Variants in KHDRBS2 observed in about 807,000 individuals in gnomAD.
KHDRBS2 encodes KH RNA binding domain containing, signal transduction associated 2, also known as KH domain-containing, RNA-binding, signal transduction-associated protein 2.
In KHDRBS2, 26 loss-of-function variants were observed where a neutral mutation model predicts 44.3. That is an observed-to-expected ratio of 0.59 (90% CI 0.43 to 0.81). KHDRBS2 has a LOEUF of 0.81. Among genes scored for constraint, KHDRBS2 ranks in the 40% least tolerant of loss-of-function variants. KHDRBS2 has a pLI of 0.00. For synonymous variants in KHDRBS2, 194 were observed against 151.1 expected, an observed-to-expected ratio of 1.28 and a Z score of -2.08; for missense variants, 476 against 433.1, an observed-to-expected ratio of 1.10 and a Z score of -0.88.
intron 1 of KHDRBS2, among the ~76,000 whole-genome samples, chr6:62,272,676 A>G (rs1840275414): frequency 6.6e-6 from 1 of 152,192 alleles, no homozygotes. Context: ...CACATACGCC[A>G]AAATGTCAGT....
the KHDRBS2 span, among the ~76,000 whole-genome samples, chr6:61,550,726 A>G: frequency 7.3e-6 from 1 of 136,148 alleles, no homozygotes; most frequent in African/African-American, 2.8e-5. Context: ...TTTTTTTTTT[A>G]CTTCTTAATA....
intron 8 of KHDRBS2, among the ~76,000 whole-genome samples, chr6:61,693,057 A>C (rs560635760): frequency 6.6e-6 from 1 of 152,238 alleles, no homozygotes; most frequent in Admixed American, 6.6e-5. Flanking sequence ...TGGAGATATG[A>C]GATTTATATT....
chr6:61,615,233 C>CAAAAAAAAAAAAAA, the KHDRBS2 span, among the ~76,000 whole-genome samples: 20 of 58,550 alleles, frequency 3.4e-4, no homozygotes, highest in African/African-American at 4.6e-4. Context: ...ACTCCATCTC[C>CAAAAAAAAAAAAAA]AAAAAAAAAA....
chr6:61,769,574 G>A (rs990311575), intron 6 of KHDRBS2, among the ~76,000 whole-genome samples: 26 of 152,142 alleles, frequency 1.7e-4, no homozygotes, highest in African/African-American at 4.1e-4. Flanking sequence ...ATGGAGTCTC[G>A]CTCATTGCTA....
the KHDRBS2 span, among the ~76,000 whole-genome samples, chr6:61,616,638 T>TG: frequency 6.6e-6 from 1 of 152,084 alleles, no homozygotes; most frequent in Admixed American, 6.6e-5. Context: ...AATGATAAAC[T>TG]TACATATATT....
At chr6:62,131,766 G>C (rs965310454) in intron 2 of KHDRBS2, among the ~76,000 whole-genome samples, 1 of 152,138 alleles carries the variant, frequency 6.6e-6, no homozygotes, top group Non-Finnish European at 1.5e-5. Flanking sequence ...AGAAAACAGG[G>C]AGAAGACAAG....
chr6:61,594,358 A>C, the KHDRBS2 span, among the ~76,000 whole-genome samples: 1 of 152,070 alleles, frequency 6.6e-6, no homozygotes. Context: ...TTCTAATTGG[A>C]GTTTTCAAAA....
chr6:62,107,493 A>G (rs879727028), intron 2 of KHDRBS2, among the ~76,000 whole-genome samples: 3 of 152,228 alleles, frequency 2.0e-5, no homozygotes, highest in Non-Finnish European at 2.9e-5. Flanking sequence ...AGGAAGAATC[A>G]ATATCGTGAA....
intron 2 of KHDRBS2, among the ~76,000 whole-genome samples, chr6:62,060,591 GTC>G (rs142998625): frequency 4.1e-4 from 59 of 145,418 alleles, no homozygotes; most frequent in Admixed American, 4.1e-4. Context: ...AATAGTAAAG[GTC>G]TCTCTCTCTC....
intron 6 of KHDRBS2, among the ~76,000 whole-genome samples, chr6:61,836,528 C>A (rs1240807435): frequency 6.6e-6 from 1 of 151,942 alleles, no homozygotes; most frequent in Non-Finnish European, 1.5e-5. Context: ...TTTAATGCTT[C>A]CAATAAATAA....
intron 1 of KHDRBS2, among the ~76,000 whole-genome samples, chr6:62,273,923 C>A (rs963213957): frequency 6.6e-6 from 1 of 151,976 alleles, no homozygotes; most frequent in African/African-American, 2.4e-5. Flanking sequence ...CAACACTTTA[C>A]ATTTTACTTG....
At position 62,146,817 on chromosome 6, in the gene KHDRBS2, G is replaced by T. The variant is rs571213429; in HGVS notation, c.219+30368C>A. On this transcript the variant is annotated intron_variant, in intron 2 of 8. Transcript: ENST00000281156. ...AAAAATGGTACGCTATACATCTATG[G>T]CAAGGCTAACTTTTGATATGTCACC... 1.1e-4 allele frequency among the ~76,000 whole-genome samples: 16 copies of T among 151,792 alleles called. 1 individual carries two copies. Among genetic ancestry groups the T allele is most frequent in the Admixed American group, 5.9e-4 (9 of 15,210 alleles).
chr6:62,177,953 C>T (rs9354781), intron 1 of KHDRBS2, among the ~76,000 whole-genome samples: 91,576 of 150,952 alleles, frequency 0.61, 27,960 homozygotes, highest in Non-Finnish European at 0.62. Context: ...TTATCCACTC[C>T]TTCATTTTTG....
the KHDRBS2 span, among the ~76,000 whole-genome samples, chr6:61,600,191 G>A: frequency 1.3e-5 from 2 of 152,170 alleles, no homozygotes; most frequent in African/African-American, 4.8e-5. Flanking sequence ...GTAAGTGTCA[G>A]GCCTCTGAAC....
At chr6:62,140,415 A>C (rs184982216) in intron 2 of KHDRBS2, among the ~76,000 whole-genome samples, 23 of 152,290 alleles carry the variant, frequency 1.5e-4, no homozygotes, top group African/African-American at 4.6e-4. Context: ...TCGGGGCAAG[A>C]CTAGAGGCAG....
At chr6:61,946,408 G>A (rs1343330460) in intron 4 of KHDRBS2, among the ~76,000 whole-genome samples, 1 of 152,116 alleles carries the variant, frequency 6.6e-6, no homozygotes, top group Non-Finnish European at 1.5e-5. Flanking sequence ...GTCTTGCTTG[G>A]CACTAGACCT....
chr6:62,248,883 T>A (rs1198616089), intron 1 of KHDRBS2, among the ~76,000 whole-genome samples: 1 of 152,068 alleles, frequency 6.6e-6, no homozygotes, highest in Non-Finnish European at 1.5e-5. Context: ...TAGTAAAAAC[T>A]GTGCTCGAAA....
At chr6:62,253,963 C>T (rs574037759) in intron 1 of KHDRBS2, among the ~76,000 whole-genome samples, 1 of 152,040 alleles carries the variant, frequency 6.6e-6, no homozygotes, top group African/African-American at 2.4e-5. Context: ...CCATTAGCAG[C>T]ATGGGGAATA....
chr6:61,871,230 G>T (rs941093347), intron 6 of KHDRBS2, among the ~76,000 whole-genome samples: 1 of 152,102 alleles, frequency 6.6e-6, no homozygotes, highest in Non-Finnish European at 1.5e-5. Flanking sequence ...TCCATAGCTG[G>T]ATTGATCAAA....
Sources: gnomAD v4.1 joint callset for allele counts (sites outside exome capture counted in the v4.1 genomes callset) on GRCh38, gnomAD v4.1.1 for gene constraint, MANE v1.5 for transcripts, NCBI Gene and HGNC (gene_info 2026-07-23, HGNC 2026-07-21) for gene names.